The following KEAP1 variants were observed in gnomAD, a reference collection of about 807,000 sequenced individuals.
The protein encoded by KEAP1 is kelch like ECH associated protein 1, also known as kelch-like ECH-associated protein 1.
In KEAP1, 26 loss-of-function variants were observed where a neutral mutation model predicts 59.7. That is an observed-to-expected ratio of 0.44 (90% CI 0.32 to 0.60). The LOEUF is 0.60. Among genes scored for constraint, KEAP1 ranks in the 20% least tolerant of loss-of-function variants. The probability of loss-of-function intolerance (pLI) is 0.06; values close to 1 mark genes in which losing one functional copy is unlikely to be tolerated. For missense variants in KEAP1, 539 were observed against 871.4 expected, an observed-to-expected ratio of 0.62 and a Z score of 4.80; for synonymous variants, 350 against 358.3, an observed-to-expected ratio of 0.98 and a Z score of 0.26.
In KEAP1 at chr19:10,489,243, G is replaced by A. The variant is rs375390113; in HGVS notation, c.1657C>T (p.Arg553Trp). 8.7e-6 allele frequency: 14 copies of A among 1,612,580 alleles called. No homozygotes were observed. The highest frequency in any genetic ancestry group is 8.3e-5 in the Admixed American group (5 of 59,954). ...ACAGTGATCCCCAGGGCACTTCGCC[G>A]GTGCTTCATGGGGGCTACGAAAGTC... ...TWTFVAPMKH[R>W]RSALGITVHQ... The change falls in exon 5 of 6, where the codon CGG becomes TGG. Residue 553 changes from arginine (R) to tryptophan (W), a missense_variant. By Grantham distance (101) the Arg-to-Trp change is moderately radical. Around this residue, in one of 4 missense-constraint regions of KEAP1, gnomAD observed 311 missense variants for 425.2 expected, o/e 0.73. Transcript: ENST00000171111.
chr19:10,488,092 C>A (rs1187451672), intron 5 of KEAP1, among the ~76,000 whole-genome samples: 1 of 151,982 alleles, frequency 6.6e-6, no homozygotes, highest in Non-Finnish European at 1.5e-5. Flanking sequence ...CGAGCCATTG[C>A]ACTCCAGCAT....
At chr19:10,488,795 G>C (rs982753577) in intron 5 of KEAP1, among the ~76,000 whole-genome samples, 8 of 151,604 alleles carry the variant, frequency 5.3e-5, no homozygotes, top group African/African-American at 9.7e-5. Flanking sequence ...GCCTGGTGTG[G>C]TGGCATGTGC....
rs767530415 is a variant in KEAP1, at chr19:10,489,865, T to C, written c.1326-12A>G. 1 of 1,609,010 alleles carries C rather than the reference T, an allele frequency of 6.2e-7. No homozygotes were observed. The highest frequency in any genetic ancestry group is 8.5e-7 in the Non-Finnish European group (1 of 1,177,622). On this transcript the variant is annotated splice_polypyrimidine_tract_variant and intron_variant, in intron 3 of 5. Coordinates refer to ENST00000171111, the MANE Select transcript of KEAP1 (RefSeq NM_203500.2). Reference sequence around the variant, plus strand: ...GCTCTGGCTCATACCTGCAAGGGCGTAAGAAAAATGGGGACAATGGCCATT... The same window carrying C: ...GCTCTGGCTCATACCTGCAAGGGCGCAAGAAAAATGGGGACAATGGCCATT...
rs757575410 is a variant in KEAP1, at chr19:10,499,542, G to T, written c.492C>A (p.Ile164=). 1.2e-6 allele frequency: 2 copies of T among 1,614,154 alleles called. No homozygotes were observed. The highest frequency in any genetic ancestry group is 2.2e-5 in the South Asian group (2 of 91,090). The change falls in exon 2 of 6, where the codon ATC becomes ATA. Residue 164 remains isoleucine, a synonymous_variant. Transcript: ENST00000171111. The surrounding 1 kb of genome is among the most constrained non-coding windows in gnomAD (Gnocchi z 6.7). ...HVMNGAVMYQ[I]DSVVRACSDF... is the part of the protein sequence containing the mutation. ...CACTGCAGGCACGGACAACGCTGTC[G>T]ATCTGGTACATGACAGCACCGTTCA...
chr19:10,491,944 G>T lies in KEAP1; in HGVS notation c.958C>A (p.Arg320=), dbSNP rs2144601111. Residue 320 remains arginine, a synonymous_variant, in exon 3 of 6, where the codon CGG becomes AGG. Transcript: ENST00000171111. This position sits in a 1 kb window ranked among gnomAD's most constrained non-coding sequence, Gnocchi z 5.2. The stretch of plus-strand genomic sequence containing the variant: ...ATCAGGCGGCCCACCTTGGGCGCCC[G>T]GCAGGGCATCACCTGCGTGGGCTTG... ...LHKPTQVMPC[R]APKVGRLIYT... 6.3e-7 allele frequency: 1 copy of T among 1,578,820 alleles called. No homozygotes were observed. Among genetic ancestry groups the T allele is most frequent in the South Asian group, 1.1e-5 (1 of 87,378 alleles).
At chr19:10,489,073 AAC>A (rs1283597073) in intron 5 of KEAP1, 117 bp downstream of exon 5, 13 of 883,374 alleles carry the variant, frequency 1.5e-5, no homozygotes, top group Non-Finnish European at 2.0e-5. Flanking sequence ...CCAGCTGGGC[AAC>A]AGAGCGAGAC....
intron 2 of KEAP1, among the ~76,000 whole-genome samples, chr19:10,497,029 C>G (rs537224303): frequency 6.6e-6 from 1 of 150,538 alleles, no homozygotes; most frequent in East Asian, 2.0e-4. Context: ...GAGGCTGAGG[C>G]AGGAGAATTG....
At chr19:10,488,967 C>T (rs531931236) in intron 5 of KEAP1, among the ~76,000 whole-genome samples, 56 of 151,462 alleles carry the variant, frequency 3.7e-4, no homozygotes, top group African/African-American at 1.1e-3. Context: ...TGGTGGTGCG[C>T]GCCTGTGGTC....
At chr19:10,492,312 C>G (rs1914702835) in intron 2 of KEAP1, 50 bp from the exon 3 acceptor site, 3 of 1,425,400 alleles carry the variant, frequency 2.1e-6, no homozygotes, top group Non-Finnish European at 2.9e-6. Context: ...ACCCCCACAC[C>G]TCACCAAGCA....
At chr19:10,489,405 T>C (rs2144588134) in intron 4 of KEAP1, 37 bp from the exon 5 acceptor site, 2 of 1,586,240 alleles carry the variant, frequency 1.3e-6, no homozygotes, top group Non-Finnish European at 1.7e-6. Flanking sequence ...ACTCTGGGGG[T>C]CTGGCTTTGG....
chr19:10,493,292 G>A (rs1914737948), intron 2 of KEAP1, among the ~76,000 whole-genome samples: 1 of 151,708 alleles, frequency 6.6e-6, no homozygotes, highest in East Asian at 1.9e-4. Context: ...CCGATTAGCT[G>A]GGACTACAGG....
In KEAP1 at chr19:10,499,055, G is replaced by C. The variant is rs1914949020; in HGVS notation, c.639+340C>G. Among the ~76,000 whole-genome samples the C allele has an allele frequency of 6.6e-6, 1 of 151,974 alleles. No individual in the cohort carries two copies. Among genetic ancestry groups the C allele is most frequent in the South Asian group, 2.1e-4 (1 of 4,814 alleles). ...TAGCTATGTGGGCCAGGCTGGTCTT[G>C]AACTCCTTACCTCAGGTGATCCACC... On this transcript the variant is annotated intron_variant, in intron 2 of 5. Coordinates refer to ENST00000171111, the MANE Select transcript of KEAP1 (RefSeq NM_203500.2). The surrounding 1 kb of genome is among the most constrained non-coding windows in gnomAD (Gnocchi z 6.7).
At chr19:10,489,126 G>T in intron 5 of KEAP1, 66 bp downstream of exon 5, 10 of 615,548 alleles carry the variant, frequency 1.6e-5, no homozygotes, top group Non-Finnish European at 2.2e-5. Context: ...AAAAAGGAAA[G>T]CAAAAGCAAA....
At chr19:10,489,162 C>CAGG in intron 5 of KEAP1, 30 bp downstream of exon 5, 1 of 1,542,104 alleles carries the variant, frequency 6.5e-7, no homozygotes, top group East Asian at 2.3e-5. Context: ...ATGGGCTAGT[C>CAGG]AGGACTCTTC....
Position 10,489,647 on chromosome 19 carries a change from C to T in KEAP1, c.1531+1G>A, listed in dbSNP as rs2144589252. On this transcript the variant is annotated splice_donor_variant, in intron 4 of 5. Coordinates refer to ENST00000171111, the MANE Select transcript of KEAP1 (RefSeq NM_203500.2). LOFTEE classifies it high-confidence loss of function. ...CTCCCCTCCCTACCGTCCCCACCCA[C>T]CTGCCCCGCTTCGGATGGTGTTCAT... The T allele has an allele frequency of 1.2e-6, 2 of 1,613,792 alleles. No homozygotes were observed. The highest frequency in any genetic ancestry group is 1.7e-6 in the Non-Finnish European group (2 of 1,179,998).
chr19:10,496,399 G>A (rs1403882289), intron 2 of KEAP1, among the ~76,000 whole-genome samples: 1 of 151,708 alleles, frequency 6.6e-6, no homozygotes. Context: ...GGGAGGCTGA[G>A]GAATGAGAAT....
chr19:10,492,626 A>C (rs1914713201), intron 2 of KEAP1: 2 of 213,778 alleles, frequency 9.4e-6, no homozygotes, highest in South Asian at 1.5e-4. Context: ...GCTGAAGCAG[A>C]AGAATCGCTT....
At position 10,499,981 on chromosome 19, in the gene KEAP1, G is replaced by A. The variant is rs2144631166; in HGVS notation, c.53C>T (p.Pro18Leu). 6.3e-7 allele frequency: 1 copy of A among 1,582,494 alleles called. No homozygotes were observed. The highest frequency in any genetic ancestry group is 8.6e-7 in the Non-Finnish European group (1 of 1,159,314). ...CCCCTCAGGGCACTGTGACTGCAGG[G>A]GCAGGAATCGGCAGCAGGCCCCAGC... ...SGAGACCRFL[P>L]LQSQCPEGAG... is the part of the protein sequence containing the mutation. The change falls in exon 2 of 6, where the codon CCC becomes CTC. Residue 18 changes from proline (P) to leucine (L), a missense_variant. Pro to Leu is a moderately conservative substitution (Grantham distance 98). Transcript: ENST00000171111. The surrounding 1 kb of genome is among the most constrained non-coding windows in gnomAD (Gnocchi z 6.7).
intron 2 of KEAP1, among the ~76,000 whole-genome samples, chr19:10,497,769 C>T (rs1319710219): frequency 6.6e-6 from 1 of 152,162 alleles, no homozygotes; most frequent in Non-Finnish European, 1.5e-5. Flanking sequence ...TGCTGCATAC[C>T]TATAGTCCCA....
Sources: allele counts gnomAD v4.1 joint callset (sites outside exome capture counted in the v4.1 genomes callset), GRCh38; gene constraint gnomAD v4.1.1; regional missense constraint gnomAD v4.1.1; non-coding constraint Gnocchi (gnomAD v3.1); transcripts MANE v1.5; gene names NCBI Gene and HGNC (gene_info 2026-07-23, HGNC 2026-07-21).